FER: variants seen among roughly 807,000 people sequenced by gnomAD.
The protein encoded by FER is FER tyrosine kinase.
FER carries 63 observed loss-of-function variants against 111.0 expected under a neutral mutation model. The ratio of observed to expected loss-of-function variants is 0.57; its 90% CI spans 0.46 to 0.70. FER has a LOEUF of 0.70. Among genes scored for constraint, FER ranks in the 30% least tolerant of loss-of-function variants. The pLI is 0.00. For missense variants in FER, 914 were observed against 954.0 expected, an observed-to-expected ratio of 0.96 and a Z score of 0.55; for synonymous variants, 327 against 313.9, an observed-to-expected ratio of 1.04 and a Z score of -0.44.
At chr5:108,886,427 A>G (rs1747176081) in intron 9 of FER, among the ~76,000 whole-genome samples, 1 of 148,678 alleles carries the variant, frequency 6.7e-6, no homozygotes, top group Non-Finnish European at 1.5e-5. Flanking sequence ...CATATATATT[A>G]TATATAACAT....
chr5:108,932,651 G>A (rs187757985), intron 10 of FER, among the ~76,000 whole-genome samples: 2 of 152,114 alleles, frequency 1.3e-5, no homozygotes, highest in Non-Finnish European at 2.9e-5. Context: ...GTGGAGAAAC[G>A]TGTTCCTGTT....
rs183262140 is a variant in FER, at chr5:108,787,226, C to T, written c.-59-10898C>T. Among the ~76,000 whole-genome samples the T allele has an allele frequency of 6.5e-4, 99 of 152,318 alleles. 1 individual carries two copies. The highest frequency in any genetic ancestry group is 1.2e-3 in the Non-Finnish European group (81 of 68,036). On this transcript the variant is annotated intron_variant, in intron 2 of 19. Transcript: ENST00000281092. ...GGCCAAGTCCAGGCACTGTTGCAACCCGGCCAGGTATGTGCATGCTCAGAG... is the reference window on the plus strand; with the variant it reads ...GGCCAAGTCCAGGCACTGTTGCAACTCGGCCAGGTATGTGCATGCTCAGAG...
chr5:108,802,092 C>T (rs1272931392), intron 3 of FER, among the ~76,000 whole-genome samples: 8 of 151,982 alleles, frequency 5.3e-5, no homozygotes, highest in Admixed American at 5.2e-4. Flanking sequence ...GGATTACGTG[C>T]AATCAAAACT....
At chr5:109,132,669 G>A (rs1282902664) in intron 17 of FER, among the ~76,000 whole-genome samples, 1 of 152,152 alleles carries the variant, frequency 6.6e-6, no homozygotes, top group Non-Finnish European at 1.5e-5. Context: ...TGATGTCCAA[G>A]AGGCCTCAGA....
intron 17 of FER, among the ~76,000 whole-genome samples, chr5:109,149,242 A>G (rs1754559586): frequency 1.3e-5 from 2 of 152,164 alleles, no homozygotes; most frequent in South Asian, 4.1e-4. Flanking sequence ...GTCTCTCACA[A>G]ATGGCTCTTC....
chr5:108,851,432 A>G (rs1317483337), intron 5 of FER, among the ~76,000 whole-genome samples: 1 of 152,204 alleles, frequency 6.6e-6, no homozygotes, highest in Non-Finnish European at 1.5e-5. Context: ...GGTCCCTCCC[A>G]CAACATGTGG....
intron 13 of FER, among the ~76,000 whole-genome samples, chr5:109,031,362 C>T (rs943869810): frequency 2.0e-5 from 3 of 152,056 alleles, no homozygotes; most frequent in Non-Finnish European, 2.9e-5. Flanking sequence ...ATAATACTTT[C>T]CTGTGGAAAG....
At chr5:108,814,172 CTCT>C in intron 3 of FER, among the ~76,000 whole-genome samples, 1 of 152,010 alleles carries the variant, frequency 6.6e-6, no homozygotes, top group East Asian at 1.9e-4. Flanking sequence ...GTTGTTGTAT[CTCT>C]TCTGTGACTT....
chr5:108,794,942 G>T (rs1357657505), intron 2 of FER, among the ~76,000 whole-genome samples: 1 of 152,164 alleles, frequency 6.6e-6, no homozygotes, highest in East Asian at 1.9e-4. Context: ...GGTTTGGAAA[G>T]ATCTCTGTTA....
chr5:109,142,286 GA>G (rs1307624335), intron 17 of FER, among the ~76,000 whole-genome samples: 1 of 152,148 alleles, frequency 6.6e-6, no homozygotes, highest in Non-Finnish European at 1.5e-5. Context: ...TAGAACATTT[GA>G]AAACTCAGTT....
intron 5 of FER, among the ~76,000 whole-genome samples, chr5:108,843,549 A>G (rs1271758445): frequency 1.4e-5 from 2 of 145,376 alleles, no homozygotes; most frequent in South Asian, 2.3e-4. Context: ...TTTTTTTCCC[A>G]AGATGGAGTC....
chr5:108,826,620 A>T (rs866098489), intron 3 of FER, among the ~76,000 whole-genome samples: 3 of 152,192 alleles, frequency 2.0e-5, no homozygotes, highest in Admixed American at 6.5e-5. Context: ...CATAGAATGA[A>T]TTTGGAAGTG....
intron 17 of FER, among the ~76,000 whole-genome samples, chr5:109,122,207 A>G (rs77149313): frequency 0.032 from 4,887 of 152,190 alleles, 128 homozygotes; most frequent in Non-Finnish European, 0.047. Flanking sequence ...AGGCCCTTAC[A>G]GCTCTAAACT....
intron 17 of FER, among the ~76,000 whole-genome samples, chr5:109,156,249 G>A (rs1373547785): frequency 6.6e-6 from 1 of 152,026 alleles, no homozygotes; most frequent in Non-Finnish European, 1.5e-5. Context: ...TAATTAGACA[G>A]TAGTTGATAG....
intron 16 of FER, among the ~76,000 whole-genome samples, chr5:109,071,994 G>A (rs900697013): frequency 8.6e-5 from 13 of 151,250 alleles, no homozygotes; most frequent in Middle Eastern, 3.4e-3. Context: ...TTGAGTGTGC[G>A]TTATGTTACG....
rs200461855 is a variant in FER at position 108,883,439 on chromosome 5, C to G, written c.967C>G (p.Leu323Val). 6.2e-7 allele frequency: 1 copy of G among 1,608,510 alleles called. No homozygotes were observed. The highest frequency in any genetic ancestry group is 2.2e-5 in the East Asian group (1 of 44,594). Residue 323 changes from leucine to valine, a missense_variant, in exon 9 of 20, where the codon CTT becomes GTT. Transcript: ENST00000281092. Reference protein sequence around the residue: ...AEELMQTQQMLLNKEEAVLEL... With the variant: ...AEELMQTQQMVLNKEEAVLEL... ...AGAACTTATGCAAACACAGCAGATG[C>G]TTTTAAACAAGGAGGAGGCTGTTTT...
chr5:109,125,441 A>C (rs1459284982), intron 17 of FER, among the ~76,000 whole-genome samples: 1 of 152,184 alleles, frequency 6.6e-6, no homozygotes, highest in African/African-American at 2.4e-5. Flanking sequence ...CTTATATTCA[A>C]ACCTGTAAAC....
rs1262729606 is a variant in FER, at chr5:109,192,673, C to T, written c.*5098C>T. 2 of 152,124 alleles carry T rather than the reference C, an allele frequency of 1.3e-5. No individual in the cohort carries two copies. Among genetic ancestry groups the T allele is most frequent in the Non-Finnish European group, 2.9e-5 (2 of 68,006 alleles). 9.4% of individuals were successfully genotyped at this position (152,124 alleles called of 1,614,324 possible). The stretch of plus-strand genomic sequence containing the variant: ...TTAGAAATCTTTGGTTACAGTGAGG[C>T]TTAACCTGGGCTAAAGTCTCCTAAA... On this transcript the variant is annotated 3_prime_UTR_variant, in exon 20 of 20. Transcript: ENST00000281092.
Position 108,903,280 on chromosome 5 carries a change from CAT to C in FER, c.1236+5433_1236+5434del, listed in dbSNP as rs1377886914. On this transcript the variant is annotated intron_variant, in intron 10 of 19. Coordinates refer to ENST00000281092, the MANE Select transcript of FER (RefSeq NM_005246.4). ...ACAACATAGATTTTTCTTCTCTGCA[CAT>C]GTTACTTAGTTTTGCTTAATTGAGC... Among the ~76,000 whole-genome samples the C allele has an allele frequency of 5.9e-5, 9 of 152,320 alleles. No individual in the cohort carries two copies. The South Asian group carries it at 6.2e-4, about 11-fold the overall frequency.
Sources: allele counts gnomAD v4.1 joint callset (sites outside exome capture counted in the v4.1 genomes callset), GRCh38; gene constraint gnomAD v4.1.1; transcripts MANE v1.5; gene names NCBI Gene and HGNC (gene_info 2026-07-23, HGNC 2026-07-21).